The following NBEA variants were observed in gnomAD, a reference collection of about 807,000 sequenced individuals.
NBEA encodes neurobeachin, also known as lysosomal-trafficking regulator 2.
Under a neutral mutation model 343.4 loss-of-function variants are expected in NBEA, and 44 were observed. The observed-to-expected ratio is 0.13, with a 90% confidence interval of 0.10 to 0.16. The LOEUF is 0.16. NBEA is among the 10% of genes least tolerant of loss of function. The probability of loss-of-function intolerance (pLI) is 1.00; values close to 1 mark genes in which losing one functional copy is unlikely to be tolerated. For synonymous variants in NBEA, 1,175 were observed against 1,238.7 expected, an observed-to-expected ratio of 0.95 and a Z score of 1.08; for missense variants, 2,555 against 3,631.3, an observed-to-expected ratio of 0.70 and a Z score of 7.62.
chr13:35,490,880 A>G (rs930435292), intron 41 of NBEA, among the ~76,000 whole-genome samples: 3 of 151,882 alleles, frequency 2.0e-5, no homozygotes, highest in Non-Finnish European at 4.4e-5. Context: ...TAAGATTTTC[A>G]TCTATGCCAT....
At chr13:35,656,142 T>C (rs2084801883) in intron 55 of NBEA, among the ~76,000 whole-genome samples, 1 of 152,238 alleles carries the variant, frequency 6.6e-6, no homozygotes, top group Non-Finnish European at 1.5e-5. Context: ...TTCAGGGCAC[T>C]AACTGCTATC....
chr13:34,992,248 A>ATATATG (rs1483772887), intron 1 of NBEA, among the ~76,000 whole-genome samples: 2 of 133,744 alleles, frequency 1.5e-5, no homozygotes, highest in Admixed American at 7.6e-5. Flanking sequence ...GTATATATAT[A>ATATATG]TATATATATA....
At chr13:35,665,747 C>G (rs2085321007) in intron 56 of NBEA, among the ~76,000 whole-genome samples, 1 of 152,194 alleles carries the variant, frequency 6.6e-6, no homozygotes, top group South Asian at 2.1e-4. Context: ...CTGCCTCACC[C>G]TCCCTAGTAG....
chr13:35,008,344 T>A (rs761896673), intron 1 of NBEA, among the ~76,000 whole-genome samples: 1 of 152,180 alleles, frequency 6.6e-6, no homozygotes, highest in Non-Finnish European at 1.5e-5. Context: ...TTAAGGAAAA[T>A]GGCTTAATAT....
chr13:35,626,580 T>C (rs756634427), intron 48 of NBEA, among the ~76,000 whole-genome samples: 21 of 152,206 alleles, frequency 1.4e-4, no homozygotes, highest in African/African-American at 2.2e-4. Context: ...ACTTGAGCAG[T>C]AGTTACTCAA....
chr13:35,099,463 G>C (rs1029918053), intron 11 of NBEA, among the ~76,000 whole-genome samples: 1 of 152,068 alleles, frequency 6.6e-6, no homozygotes, highest in Non-Finnish European at 1.5e-5. Context: ...GACTCCCAGC[G>C]TGCTGGGATT....
intron 41 of NBEA, chr13:35,476,074 G>T: frequency 6.2e-7 from 1 of 1,614,166 alleles, no homozygotes; most frequent in Non-Finnish European, 8.5e-7. Flanking sequence ...AGCTTTCCTG[G>T]CTTGGCATTT....
chr13:35,085,854 C>T (rs1278077909), intron 10 of NBEA, among the ~76,000 whole-genome samples: 1 of 152,126 alleles, frequency 6.6e-6, no homozygotes, highest in Admixed American at 6.6e-5. Flanking sequence ...AGCCCAAAAT[C>T]TCCTTAAGCT....
rs187671590 is a variant in NBEA at position 35,141,126 on chromosome 13, C to T, written c.2337-1143C>T. Reference sequence around the variant, plus strand: ...GCTGGAAATGTAATACAGATGTGGACCAAGGAAGAAAGGAACCAGAGTTTA... The same window carrying T: ...GCTGGAAATGTAATACAGATGTGGATCAAGGAAGAAAGGAACCAGAGTTTA... On this transcript the variant is annotated intron_variant, in intron 17 of 58. Transcript: ENST00000379939. 6.2e-4 allele frequency among the ~76,000 whole-genome samples: 94 copies of T among 152,156 alleles called. 1 individual carries two copies. The highest frequency in any genetic ancestry group is 2.1e-3 in the African/African-American group (86 of 41,484).
chr13:35,485,861 G>A (rs1453210091), intron 41 of NBEA, among the ~76,000 whole-genome samples: 1 of 152,016 alleles, frequency 6.6e-6, no homozygotes, highest in East Asian at 1.9e-4. Context: ...AAAGTTTCCA[G>A]TATTTGTATG....
intron 48 of NBEA, among the ~76,000 whole-genome samples, chr13:35,616,340 T>C (rs1398743724): frequency 6.6e-6 from 1 of 152,322 alleles, no homozygotes; most frequent in Non-Finnish European, 1.5e-5. Flanking sequence ...TATATTCCAA[T>C]CACCAAATTA....
intron 34 of NBEA, among the ~76,000 whole-genome samples, chr13:35,269,211 T>A (rs1251592074): frequency 6.6e-6 from 1 of 152,316 alleles, no homozygotes; most frequent in East Asian, 1.9e-4. Flanking sequence ...GGAGGTCATC[T>A]GTATATTAAA....
intron 41 of NBEA, 96 bp downstream of exon 41, chr13:35,472,632 G>A: frequency 3.3e-6 from 4 of 1,212,562 alleles, no homozygotes; most frequent in South Asian, 1.3e-5. Context: ...GAGGAGGGGA[G>A]CACATTCTCC....
At chr13:35,379,710 CT>C (rs35060619) in intron 38 of NBEA, among the ~76,000 whole-genome samples, 348 of 145,228 alleles carry the variant, frequency 2.4e-3, no homozygotes, top group African/African-American at 7.1e-3. Context: ...GTCAGGATTA[CT>C]TTTTTTTTTT....
intron 1 of NBEA, among the ~76,000 whole-genome samples, chr13:35,010,769 T>TATACACACATATAC (rs2061469609): frequency 9.7e-6 from 1 of 102,602 alleles, no homozygotes; most frequent in African/African-American, 4.0e-5. Context: ...TATATATATA[T>TATACACACATATAC]ATATATATAT....
In NBEA at chr13:35,131,099, G is replaced by T. The variant is rs146045098; in HGVS notation, c.2336+7525G>T. ...TAATTGTCAGCCTAAGAAGGCAAAA[G>T]AAATAGTAAAGGGCAGAAGTGAATG... On this transcript the variant is annotated intron_variant, in intron 17 of 58. Coordinates refer to ENST00000379939, the MANE Select transcript of NBEA (RefSeq NM_001385012.1). 2.4e-3 allele frequency among the ~76,000 whole-genome samples: 359 copies of T among 152,012 alleles called. 8 individuals carry two copies. Among genetic ancestry groups the T allele is most frequent in the Middle Eastern group, 6.8e-3 (2 of 294 alleles).
At chr13:35,005,197 T>G (rs1420667739) in intron 1 of NBEA, among the ~76,000 whole-genome samples, 1 of 150,724 alleles carries the variant, frequency 6.6e-6, no homozygotes. Flanking sequence ...GAAACAGACA[T>G]ACGTTTGGCA....
At chr13:35,437,048 G>A (rs540268549) in intron 39 of NBEA, among the ~76,000 whole-genome samples, 1 of 152,256 alleles carries the variant, frequency 6.6e-6, no homozygotes, top group East Asian at 1.9e-4. Context: ...TGTAGTTCAA[G>A]AATATAAGCC....
intron 38 of NBEA, among the ~76,000 whole-genome samples, chr13:35,356,690 C>A (rs2040507700): frequency 6.6e-6 from 1 of 152,100 alleles, no homozygotes; most frequent in East Asian, 1.9e-4. Context: ...GAACTCTATT[C>A]TTTTGATCTC....
Sources: allele counts gnomAD v4.1 joint callset (sites outside exome capture counted in the v4.1 genomes callset), GRCh38; gene constraint gnomAD v4.1.1; transcripts MANE v1.5; gene names NCBI Gene and HGNC (gene_info 2026-07-23, HGNC 2026-07-21).